Variants in KLHL13 observed in about 807,000 individuals in gnomAD.
The protein encoded by KLHL13 is kelch-like protein 13.
A neutral mutation model predicts 37.1 loss-of-function variants in KLHL13; 10 were observed. That is an observed-to-expected ratio of 0.27 (90% CI 0.17 to 0.46). The LOEUF (loss-of-function observed/expected upper bound fraction) is 0.46, where lower values mean the gene tolerates loss of function less well. Ranked by LOEUF, KLHL13 falls within the 20% of genes least tolerant of loss-of-function variation. The probability of loss-of-function intolerance (pLI) is 1.00; values close to 1 mark genes in which losing one functional copy is unlikely to be tolerated. For synonymous variants in KLHL13, 163 were observed against 181.2 expected, an observed-to-expected ratio of 0.90 and a Z score of 0.81; for missense variants, 360 against 509.3, an observed-to-expected ratio of 0.71 and a Z score of 2.82.
At chrX:117,929,338 A>G (rs1932261946) in intron 2 of KLHL13, among the ~76,000 whole-genome samples, 1 of 111,631 alleles carries the variant, frequency 9.0e-6, no homozygotes, top group Non-Finnish European at 1.9e-5. Flanking sequence ...CATGGCCAGC[A>G]TTATTCTAAT....
intron 2 of KLHL13, among the ~76,000 whole-genome samples, chrX:117,940,487 A>G (rs773463151): frequency 2.7e-5 from 3 of 111,710 alleles, no homozygotes; most frequent in African/African-American, 9.7e-5. Flanking sequence ...AAGAAAGTCA[A>G]TGGTAGCTTG....
intron 3 of KLHL13, 53 bp downstream of exon 4, chrX:117,920,185 C>T (rs1399631935): frequency 4.4e-6 from 5 of 1,137,838 alleles, no homozygotes; most frequent in East Asian, 3.0e-5. Flanking sequence ...GATTTAAACA[C>T]GGATTTTTCA....
At chrX:118,112,962 T>C (rs1254693692) in intron 1 of KLHL13, among the ~76,000 whole-genome samples, 1 of 112,419 alleles carries the variant, frequency 8.9e-6, no homozygotes, top group African/African-American at 3.2e-5. Context: ...CCTAGGTTAT[T>C]CCTTTATACA....
At chrX:118,102,181 A>G (rs932211164) in intron 1 of KLHL13, among the ~76,000 whole-genome samples, 1 of 111,915 alleles carries the variant, frequency 8.9e-6, no homozygotes, top group African/African-American at 3.2e-5. Flanking sequence ...GCAAATGTGT[A>G]GCTGATGTCA....
rs1210043618 is a variant in KLHL13, at chrX:118,031,554, AT to A, written c.-56+84953del. Among the ~76,000 whole-genome samples, 67 of 84,227 alleles carry A rather than the reference AT, an allele frequency of 8.0e-4. 1 individual carries two copies. Among genetic ancestry groups the A allele is most frequent in the African/African-American group, 2.9e-3 (59 of 20,673 alleles). 73.1% of individuals were successfully genotyped at this position (84,227 alleles called of 115,157 possible). A position where few individuals can be genotyped will look rare whatever the true frequency, so the allele number is the denominator to read the frequency against. ...TTATATATATATTAGTTATATATATATTTAGTTATATATATATTAGTTATAT... is the reference window on the plus strand; with the variant it reads ...TTATATATATATTAGTTATATATATATTAGTTATATATATATTAGTTATAT... On this transcript the variant is annotated intron_variant, in intron 1 of 6. Coordinates refer to the KLHL13 transcript ENST00000371882.
chrX:118,081,623 T>G (rs2054995589), intron 1 of KLHL13, among the ~76,000 whole-genome samples: 1 of 111,682 alleles, frequency 9.0e-6, no homozygotes, highest in African/African-American at 3.3e-5. Flanking sequence ...CTAGCTATTT[T>G]GAAATATTCA....
At chrX:118,071,968 G>T (rs1199645939) in intron 1 of KLHL13, among the ~76,000 whole-genome samples, 12 of 110,682 alleles carry the variant, frequency 1.1e-4, no homozygotes, top group Non-Finnish European at 1.9e-4. Context: ...TCACAGAATT[G>T]GAAAAAACTA....
At chrX:117,910,034 C>T in exon 5 of KLHL13, 1 of 1,203,253 alleles carries the variant, frequency 8.3e-7, no homozygotes, top group Non-Finnish European at 1.1e-6. Flanking sequence ...CGTATTTATC[C>T]ACTTCGGTTA....
intron 1 of KLHL13, among the ~76,000 whole-genome samples, chrX:117,996,107 T>C (rs955349321): frequency 8.9e-6 from 1 of 112,098 alleles, no homozygotes; most frequent in Non-Finnish European, 1.9e-5. Context: ...ATAGCACACT[T>C]TGTGTTTCAA....
chrX:118,010,450 T>C (rs1359592526), intron 1 of KLHL13, among the ~76,000 whole-genome samples: 50 of 57,354 alleles, frequency 8.7e-4, no homozygotes, highest in African/African-American at 3.3e-3. Flanking sequence ...GGGACATGGA[T>C]GAAATTGGAA....
chrX:118,091,278 T>TA lies in KLHL13; in HGVS notation c.-56+25229dup, dbSNP rs752716028. On this transcript the variant is annotated intron_variant, in intron 1 of 6. Transcript: ENST00000371882. Reference sequence around the variant, plus strand: ...ATGTACCCTAAAACTTAAAGTATAATAAAAAAAGTATCAATAGATGTTGAC... The same window carrying TA: ...ATGTACCCTAAAACTTAAAGTATAATAAAAAAAAGTATCAATAGATGTTGAC... Among the ~76,000 whole-genome samples the TA allele has an allele frequency of 2.3e-4, 26 of 110,834 alleles. No homozygotes were observed. In the South Asian group the frequency reaches 5.4e-3, roughly 23 times the overall value.
intron 1 of KLHL13, among the ~76,000 whole-genome samples, chrX:118,008,979 G>C (rs1005080811): frequency 5.4e-5 from 6 of 111,862 alleles, no homozygotes; most frequent in Non-Finnish European, 7.5e-5. Flanking sequence ...AATGACTCTT[G>C]CCAATACAAC....
At chrX:118,088,284 G>T (rs762821984) in intron 1 of KLHL13, among the ~76,000 whole-genome samples, 5 of 111,517 alleles carry the variant, frequency 4.5e-5, no homozygotes, top group Non-Finnish European at 7.5e-5. Flanking sequence ...AAACAATTTC[G>T]ATGAGAATTA....
chrX:117,982,186 A>T (rs970400801), intron 1 of KLHL13, among the ~76,000 whole-genome samples: 1 of 110,243 alleles, frequency 9.1e-6, no homozygotes, highest in African/African-American at 3.3e-5. Context: ...TAGTGTAAAT[A>T]CATTGTTACA....
intron 1 of KLHL13, among the ~76,000 whole-genome samples, chrX:118,082,560 C>T (rs2055008181): frequency 9.0e-6 from 1 of 111,493 alleles, no homozygotes; most frequent in African/African-American, 3.3e-5. Flanking sequence ...TAGGTTGCCA[C>T]TTCACTCTTG....
intron 1 of KLHL13, among the ~76,000 whole-genome samples, chrX:117,980,868 T>C (rs998708454): frequency 8.9e-6 from 1 of 111,853 alleles, no homozygotes; most frequent in East Asian, 2.8e-4. Context: ...TTGTGACCCA[T>C]TGCCATAATA....
intron 1 of KLHL13, among the ~76,000 whole-genome samples, chrX:118,055,244 C>A (rs1326824026): frequency 8.9e-6 from 1 of 112,007 alleles, no homozygotes; most frequent in Non-Finnish European, 1.9e-5. Flanking sequence ...ACAGTAGAAA[C>A]CATCTTATGG....
chrX:117,998,496 A>T (rs1028645996), intron 1 of KLHL13, among the ~76,000 whole-genome samples: 3 of 111,508 alleles, frequency 2.7e-5, no homozygotes, highest in Non-Finnish European at 3.8e-5. Flanking sequence ...AAACACAAGA[A>T]TCAAAGAATC....
At chrX:118,020,998 G>C (rs775173038) in intron 1 of KLHL13, among the ~76,000 whole-genome samples, 1 of 56,058 alleles carries the variant, frequency 1.8e-5, no homozygotes. Flanking sequence ...TTGTGGGGTG[G>C]GGGGAGGGGG....
Sources: allele counts gnomAD v4.1 joint callset (sites outside exome capture counted in the v4.1 genomes callset), GRCh38; gene constraint gnomAD v4.1.1; transcripts MANE v1.5; gene names NCBI Gene and HGNC (gene_info 2026-07-23, HGNC 2026-07-21).